Variants in CASQ2 observed in about 807,000 individuals in gnomAD.
The protein encoded by CASQ2 is calsequestrin 2.
CASQ2 carries 49 observed loss-of-function variants against 46.5 expected under a neutral mutation model. That is an observed-to-expected ratio of 1.05 (90% CI 0.84 to 1.34). The LOEUF is 1.34. Ranked by LOEUF, CASQ2 falls within the 40% of genes most tolerant of loss-of-function variation. The pLI is 0.00. For missense variants in CASQ2, 486 were observed against 481.3 expected, an observed-to-expected ratio of 1.01 and a Z score of -0.09; for synonymous variants, 174 against 168.5, an observed-to-expected ratio of 1.03 and a Z score of -0.25.
intron 1 of CASQ2, among the ~76,000 whole-genome samples, chr1:115,754,997 G>T (rs1399153737): frequency 6.6e-6 from 1 of 152,202 alleles, no homozygotes; most frequent in African/African-American, 2.4e-5. Flanking sequence ...TGGGACCCAA[G>T]AATTTGCATT....
intron 9 of CASQ2, among the ~76,000 whole-genome samples, chr1:115,703,607 T>G (rs533002077): frequency 6.6e-6 from 1 of 152,230 alleles, no homozygotes; most frequent in African/African-American, 2.4e-5. Context: ...ATTTCTTCTT[T>G]GCAAAAACCA....
intron 2 of CASQ2, among the ~76,000 whole-genome samples, chr1:115,741,637 A>G (rs1044064866): frequency 6.6e-6 from 1 of 152,194 alleles, no homozygotes; most frequent in African/African-American, 2.4e-5. Flanking sequence ...TTCCTGTTCC[A>G]GCTGAATCCC....
At chr1:115,747,346 G>A (rs1648423359) in intron 1 of CASQ2, among the ~76,000 whole-genome samples, 1 of 152,046 alleles carries the variant, frequency 6.6e-6, no homozygotes, top group Non-Finnish European at 1.5e-5. Context: ...CTGTTCCTCT[G>A]CCAACACCAC....
At chr1:115,714,542 G>T (rs1216486068) in intron 8 of CASQ2, among the ~76,000 whole-genome samples, 1 of 152,148 alleles carries the variant, frequency 6.6e-6, no homozygotes, top group Non-Finnish European at 1.5e-5. Flanking sequence ...CTTCCTTGGG[G>T]TGGTGGGGTT....
At chr1:115,710,851 T>A in intron 8 of CASQ2, among the ~76,000 whole-genome samples, 1 of 152,288 alleles carries the variant, frequency 6.6e-6, no homozygotes, top group East Asian at 1.9e-4. Context: ...CCAGGAGGTT[T>A]CCCACGGCAA....
chr1:115,768,335 C>G lies in CASQ2; in HGVS notation c.207G>C (p.Gln69His). 2 of 1,613,626 alleles carry G rather than the reference C, an allele frequency of 1.2e-6. No homozygotes were observed. Among genetic ancestry groups the G allele is most frequent in the Non-Finnish European group, 1.7e-6 (2 of 1,179,550 alleles). Residue 69 changes from glutamine (Q) to histidine (H), a missense_variant, in exon 1 of 11, where the codon CAG becomes CAC. Physicochemically the swap from Gln to His is conservative, Grantham distance 24. Coordinates refer to ENST00000261448, the MANE Select transcript of CASQ2 (RefSeq NM_001232.4). ...PVSSDKVTQKQFQLKEIVLEL... is the reference protein window; with the variant it reads ...PVSSDKVTQKHFQLKEIVLEL... The stretch of plus-strand genomic sequence containing the variant: ...CAAGCACGATTTCTTTCAGTTGGAA[C>G]TGTTTTTGCGTGACCTTATCTGAAG...
At chr1:115,750,409 G>T (rs1648537808) in intron 1 of CASQ2, among the ~76,000 whole-genome samples, 1 of 152,190 alleles carries the variant, frequency 6.6e-6, no homozygotes, top group African/African-American at 2.4e-5. Flanking sequence ...ATTGGTCAGT[G>T]CTCATTCTTT....
chr1:115,743,030 C>T (rs10754346), intron 2 of CASQ2, among the ~76,000 whole-genome samples: 107,961 of 151,802 alleles, frequency 0.71, 42,100 homozygotes, highest in Non-Finnish European at 0.88. Context: ...CCTTGTGATC[C>T]GCCTGCCTTG....
At chr1:115,714,627 A>G (rs80144819) in intron 8 of CASQ2, among the ~76,000 whole-genome samples, 2,016 of 152,354 alleles carry the variant, frequency 0.013, 20 homozygotes, top group Non-Finnish European at 0.018. Flanking sequence ...ACTGTTTTGC[A>G]GGAATGACAT....
chr1:115,751,163 G>A (rs1648566543), intron 1 of CASQ2, among the ~76,000 whole-genome samples: 1 of 152,266 alleles, frequency 6.6e-6, no homozygotes, highest in Admixed American at 6.5e-5. Context: ...CATGCAGTAA[G>A]TGCTTAGTAA....
At chr1:115,726,902 C>T (rs2101078882) in intron 6 of CASQ2, 90 bp downstream of exon 6, 1 of 1,062,754 alleles carries the variant, frequency 9.4e-7, no homozygotes, top group Non-Finnish European at 1.4e-6. Context: ...TAGGTTGTTG[C>T]TCTTGGCAGG....
chr1:115,722,493 C>T (rs1647414227), intron 7 of CASQ2, among the ~76,000 whole-genome samples: 3 of 152,130 alleles, frequency 2.0e-5, no homozygotes, highest in African/African-American at 7.2e-5. Flanking sequence ...TCCCCATCTA[C>T]AGAACACCAT....
At chr1:115,751,776 C>A (rs547448753) in intron 1 of CASQ2, among the ~76,000 whole-genome samples, 3 of 152,190 alleles carry the variant, frequency 2.0e-5, no homozygotes, top group South Asian at 4.2e-4. Flanking sequence ...CCTGCAGAGC[C>A]CAGTGGGCTG....
At chr1:115,705,316 G>T in intron 8 of CASQ2, 24 bp from the exon 9 acceptor site, 1 of 1,474,500 alleles carries the variant, frequency 6.8e-7, no homozygotes, top group Non-Finnish European at 9.5e-7. Flanking sequence ...CAAGAGAGTT[G>T]AGTAACCCCT....
intron 1 of CASQ2, among the ~76,000 whole-genome samples, chr1:115,748,583 T>C (rs1054182039): frequency 1.6e-4 from 23 of 142,168 alleles, no homozygotes; most frequent in African/African-American, 4.9e-4. Context: ...ACACTTAAGA[T>C]GAAAGGCATC....
intron 2 of CASQ2, among the ~76,000 whole-genome samples, chr1:115,744,401 C>T (rs554910554): frequency 1.3e-4 from 20 of 152,304 alleles, no homozygotes; most frequent in Non-Finnish European, 2.8e-4. Flanking sequence ...GGAATTATTA[C>T]TATTAATGCT....
rs1000754282 is a variant in CASQ2 at position 115,716,898 on chromosome 1, C to T, written c.838+942G>A. Among the ~76,000 whole-genome samples the T allele has an allele frequency of 1.1e-4, 17 of 152,256 alleles. No homozygotes were observed. The South Asian group carries it at 1.2e-3, about 11-fold the overall frequency. ...AGTGATATGGTTTGGATCTGTGTCCCCTACCCAAATCTCCTGTTGAAATGT... is the reference window on the plus strand; with the variant it reads ...AGTGATATGGTTTGGATCTGTGTCCTCTACCCAAATCTCCTGTTGAAATGT... On this transcript the variant is annotated intron_variant, in intron 8 of 10. Transcript: ENST00000261448.
chr1:115,768,544 G>A lies in CASQ2; in HGVS notation c.-3C>T. On this transcript the variant is annotated 5_prime_UTR_variant, in exon 1 of 11. Coordinates refer to ENST00000261448, the MANE Select transcript of CASQ2 (RefSeq NM_001232.4). ...ATAAACAAGTGAGTTCTCTTCATTT[G>A]GGAAAACTTTTGTTTCTCGTTCCCA... The A allele has an allele frequency of 6.3e-7, 1 of 1,599,632 alleles. No individual in the cohort carries two copies. Among genetic ancestry groups the A allele is most frequent in the Non-Finnish European group, 8.6e-7 (1 of 1,167,108 alleles).
intron 1 of CASQ2, among the ~76,000 whole-genome samples, chr1:115,763,583 A>C (rs568461852): frequency 6.6e-6 from 1 of 152,304 alleles, no homozygotes; most frequent in South Asian, 2.1e-4. Context: ...TGAAATAGTG[A>C]GTGTGGGCTA....
Sources: gnomAD v4.1 joint callset for allele counts (sites outside exome capture counted in the v4.1 genomes callset) on GRCh38, gnomAD v4.1.1 for gene constraint, MANE v1.5 for transcripts, NCBI Gene and HGNC (gene_info 2026-07-23, HGNC 2026-07-21) for gene names.